KCNMA1: variants seen among roughly 807,000 people sequenced by gnomAD.
KCNMA1 encodes the protein potassium calcium-activated channel subfamily M alpha 1.
Under a neutral mutation model 140.0 loss-of-function variants are expected in KCNMA1, and 29 were observed. That is an observed-to-expected ratio of 0.21 (90% CI 0.15 to 0.28). The LOEUF (loss-of-function observed/expected upper bound fraction) is 0.28. Among genes scored for constraint, KCNMA1 ranks in the 10% least tolerant of loss-of-function variants. The pLI, the probability that KCNMA1 is intolerant of heterozygous loss-of-function variation, is 1.00. For missense variants in KCNMA1, 880 were observed against 1,602.2 expected, an observed-to-expected ratio of 0.55 and a Z score of 7.70; for synonymous variants, 612 against 611.9, an observed-to-expected ratio of 1.00 and a Z score of 0.00.
chr10:77,003,114 T>C (rs1593291048), intron 18 of KCNMA1, among the ~76,000 whole-genome samples: 1 of 152,258 alleles, frequency 6.6e-6, no homozygotes, highest in East Asian at 1.9e-4. Flanking sequence ...AGGGTAACGT[T>C]ATGATTGTGA....
At chr10:77,266,860 A>G (rs1315587413) in intron 2 of KCNMA1, among the ~76,000 whole-genome samples, 1 of 152,186 alleles carries the variant, frequency 6.6e-6, no homozygotes, top group Non-Finnish European at 1.5e-5. Flanking sequence ...CAATCAATGT[A>G]TATTTATTAA....
At chr10:77,352,652 G>GTGTT (rs1555226543) in intron 2 of KCNMA1, among the ~76,000 whole-genome samples, 5 of 151,748 alleles carry the variant, frequency 3.3e-5, no homozygotes, top group African/African-American at 9.7e-5. Flanking sequence ...GTGTGTGTTT[G>GTGTT]TGTGTGTGTG....
chr10:77,538,039 C>G (rs1325080700), intron 1 of KCNMA1, among the ~76,000 whole-genome samples: 1 of 151,864 alleles, frequency 6.6e-6, no homozygotes, highest in Non-Finnish European at 1.5e-5. Flanking sequence ...CTCACACACA[C>G]TCTCATATTC....
intron 18 of KCNMA1, among the ~76,000 whole-genome samples, chr10:77,003,189 G>A (rs1302974227): frequency 1.3e-5 from 2 of 152,128 alleles, no homozygotes; most frequent in African/African-American, 2.4e-5. Context: ...TTGTAAACTT[G>A]GCTCACATTT....
chr10:77,376,350 G>A (rs1566389018), intron 2 of KCNMA1: 3 of 152,190 alleles, frequency 2.0e-5, no homozygotes, highest in African/African-American at 7.2e-5. Context: ...TCCTGGGGGA[G>A]AGGGGGAGAT....
intron 24 of KCNMA1, 155 bp from the exon 25 acceptor site, chr10:76,910,251 C>A: frequency 1.3e-6 from 1 of 750,730 alleles, no homozygotes. Context: ...GTAAGGGGGG[C>A]AGTGGGACTC....
chr10:77,337,208 T>C (rs1288521362), intron 2 of KCNMA1, among the ~76,000 whole-genome samples: 4 of 152,182 alleles, frequency 2.6e-5, no homozygotes, highest in Non-Finnish European at 4.4e-5. Context: ...GTTCCCTCAT[T>C]CAACAGGATC....
chr10:77,139,309 G>A (rs2098118721), intron 5 of KCNMA1, among the ~76,000 whole-genome samples: 1 of 152,162 alleles, frequency 6.6e-6, no homozygotes, highest in Admixed American at 6.5e-5. Context: ...AAGGCCAGAT[G>A]TTACAGTACA....
intron 5 of KCNMA1, among the ~76,000 whole-genome samples, chr10:77,181,978 A>C (rs948146611): frequency 4.6e-5 from 7 of 152,176 alleles, no homozygotes; most frequent in African/African-American, 1.7e-4. Flanking sequence ...CACACATACT[A>C]TATTAAGAAG....
chr10:76,875,420 TAA>T (rs143856102), downstream of KCNMA1: 1 of 152,044 alleles, frequency 6.6e-6, no homozygotes, highest in Admixed American at 6.6e-5. Context: ...TGATTTTTTT[TAA>T]AAAAAGTTTA....
At chr10:77,078,682 T>C (rs189473060) in intron 13 of KCNMA1, among the ~76,000 whole-genome samples, 47 of 152,364 alleles carry the variant, frequency 3.1e-4, no homozygotes, top group Admixed American at 2.0e-3. Context: ...TGGAGCATTC[T>C]ACACCTTAAC....
intron 23 of KCNMA1, among the ~76,000 whole-genome samples, chr10:76,932,293 C>A (rs2059471268): frequency 6.6e-6 from 1 of 152,142 alleles, no homozygotes; most frequent in Admixed American, 6.5e-5. Flanking sequence ...GTGACTTTTT[C>A]TGGCTTACTT....
At chr10:76,982,469 A>G (rs1296517412) in intron 19 of KCNMA1, among the ~76,000 whole-genome samples, 1 of 151,774 alleles carries the variant, frequency 6.6e-6, no homozygotes, top group Non-Finnish European at 1.5e-5. Context: ...GAACAGACTA[A>G]GGAGTGGCAG....
At chr10:77,257,396 A>G (rs1166608376) in intron 2 of KCNMA1, among the ~76,000 whole-genome samples, 1 of 152,172 alleles carries the variant, frequency 6.6e-6, no homozygotes, top group Non-Finnish European at 1.5e-5. Context: ...TCCCTTCTGA[A>G]TGTAAGAAGC....
chr10:77,298,188 C>CG (rs1192956095), intron 2 of KCNMA1, among the ~76,000 whole-genome samples: 3 of 152,102 alleles, frequency 2.0e-5, no homozygotes, highest in Non-Finnish European at 4.4e-5. Flanking sequence ...TCCTGGGGAA[C>CG]GGGCTAATGA....
intron 25 of KCNMA1, among the ~76,000 whole-genome samples, chr10:76,897,327 A>T (rs996691264): frequency 6.6e-6 from 1 of 151,668 alleles, no homozygotes; most frequent in African/African-American, 2.4e-5. Flanking sequence ...CAACTCCTAG[A>T]CCTGTACTCG....
chr10:77,028,591 T>C (rs1012648524), intron 15 of KCNMA1, among the ~76,000 whole-genome samples: 1 of 152,138 alleles, frequency 6.6e-6, no homozygotes, highest in Non-Finnish European at 1.5e-5. Flanking sequence ...GTGGGTCTTC[T>C]CCAGCTACTG....
intron 5 of KCNMA1, among the ~76,000 whole-genome samples, chr10:77,138,445 T>C (rs919667697): frequency 6.6e-6 from 1 of 152,124 alleles, no homozygotes; most frequent in Non-Finnish European, 1.5e-5. Flanking sequence ...CTTAAATATA[T>C]GTGAAATAAC....
intron 1 of KCNMA1, among the ~76,000 whole-genome samples, chr10:77,630,499 GC>G (rs1165380896): frequency 1.3e-5 from 2 of 152,084 alleles, no homozygotes; most frequent in Non-Finnish European, 2.9e-5. Context: ...GCAAATAAGA[GC>G]CCAGCCCGAA....
Sources: gnomAD v4.1 joint callset for allele counts (sites outside exome capture counted in the v4.1 genomes callset) on GRCh38, gnomAD v4.1.1 for gene constraint, MANE v1.5 for transcripts, NCBI Gene and HGNC (gene_info 2026-07-23, HGNC 2026-07-21) for gene names.